Variants in DEPTOR observed in about 807,000 individuals in gnomAD.
DEPTOR encodes the protein DEP domain-containing mTOR-interacting protein.
A neutral mutation model predicts 41.6 loss-of-function variants in DEPTOR; 41 were observed. That is an observed-to-expected ratio of 0.98 (90% CI 0.77 to 1.28). The LOEUF (loss-of-function observed/expected upper bound fraction) is 1.28, where lower values mean the gene tolerates loss of function less well. Among genes scored for constraint, DEPTOR ranks in the 50% most tolerant of loss-of-function variants. The pLI, the probability that DEPTOR is intolerant of heterozygous loss-of-function variation, is 0.00. For synonymous variants in DEPTOR, 195 were observed against 192.3 expected (o/e 1.01, Z -0.12); for missense variants, 514 against 527.9 (o/e 0.97, Z 0.26).
intron 1 of DEPTOR, among the ~76,000 whole-genome samples, chr8:119,915,124 G>A (rs997444684): frequency 3.3e-5 from 5 of 151,860 alleles, no homozygotes; most frequent in African/African-American, 9.7e-5. Context: ...GTGCCACCAC[G>A]CCCAGCTAAT....
chr8:119,934,952 G>A (rs2129871973), intron 3 of DEPTOR, among the ~76,000 whole-genome samples: 1 of 152,306 alleles, frequency 6.6e-6, no homozygotes, highest in Non-Finnish European at 1.5e-5. Flanking sequence ...CATCAGATAT[G>A]AGTGTATGCT....
chr8:119,967,754 A>C lies in DEPTOR; in HGVS notation c.604+2344A>C, dbSNP rs771230315. On this transcript the variant is annotated intron_variant, in intron 4 of 8. Coordinates refer to ENST00000286234, the MANE Select transcript of DEPTOR (RefSeq NM_022783.4). The stretch of plus-strand genomic sequence containing the variant: ...GGGTGGCAGAGCAAGACTTCGTCCC[A>C]AAAAAAAAAAAAAAAAAGAGTAAGT... Among the ~76,000 whole-genome samples the C allele has an allele frequency of 1.7e-3, 169 of 96,830 alleles. 2 individuals are homozygous for C. The South Asian group carries it at 0.029, about 17-fold the overall frequency. 63.5% of individuals were successfully genotyped at this position (96,830 alleles called of 152,430 possible). A position where few individuals can be genotyped will look rare whatever the true frequency, so the allele number is the denominator to read the frequency against.
chr8:119,944,525 T>G (rs972640562), intron 3 of DEPTOR, among the ~76,000 whole-genome samples: 1 of 152,054 alleles, frequency 6.6e-6, no homozygotes, highest in Admixed American at 6.6e-5. Context: ...TCTGTCCAGC[T>G]TGACTATAAG....
chr8:119,957,374 C>T (rs1435039625), intron 3 of DEPTOR, among the ~76,000 whole-genome samples: 2 of 152,074 alleles, frequency 1.3e-5, no homozygotes, highest in Non-Finnish European at 2.9e-5. Flanking sequence ...CCCTAGGCTT[C>T]GAGAGGGACC....
At chr8:119,905,982 A>C (rs939456183) in intron 1 of DEPTOR, among the ~76,000 whole-genome samples, 10 of 152,134 alleles carry the variant, frequency 6.6e-5, no homozygotes, top group African/African-American at 2.4e-4. Flanking sequence ...TTTTACAGAG[A>C]CAGCATCTCG....
At chr8:119,896,593 G>A (rs1433932350) in intron 1 of DEPTOR, among the ~76,000 whole-genome samples, 1 of 152,110 alleles carries the variant, frequency 6.6e-6, no homozygotes, top group Non-Finnish European at 1.5e-5. Flanking sequence ...TCTACCTCCT[G>A]GGTTCAAGTG....
intron 8 of DEPTOR, among the ~76,000 whole-genome samples, chr8:120,039,849 G>GT (rs1342715846): frequency 3.3e-5 from 5 of 151,964 alleles, no homozygotes; most frequent in South Asian, 2.1e-4. Flanking sequence ...TTTTTTATTT[G>GT]TTTTTTGTTT....
intron 3 of DEPTOR, among the ~76,000 whole-genome samples, chr8:119,939,497 T>C (rs548856702): frequency 1.1e-3 from 171 of 152,322 alleles, no homozygotes; most frequent in African/African-American, 3.9e-3. Flanking sequence ...TATGGCTTTT[T>C]TCGTTTTTGA....
At chr8:119,893,930 C>G (rs187315572) in intron 1 of DEPTOR, among the ~76,000 whole-genome samples, 8 of 152,294 alleles carry the variant, frequency 5.3e-5, no homozygotes, top group Non-Finnish European at 7.3e-5. Flanking sequence ...TCGTGAACTT[C>G]TAAATAGACA....
intron 6 of DEPTOR, among the ~76,000 whole-genome samples, chr8:120,005,388 G>A (rs941473416): frequency 2.6e-5 from 4 of 152,210 alleles, no homozygotes; most frequent in Non-Finnish European, 5.9e-5. Context: ...ACCTCAACAA[G>A]AAGCACTGGA....
chr8:119,935,138 T>C (rs1828092258), intron 3 of DEPTOR, among the ~76,000 whole-genome samples: 1 of 152,172 alleles, frequency 6.6e-6, no homozygotes, highest in Non-Finnish European at 1.5e-5. Context: ...GCAAATGGAC[T>C]GAGGGTGCAA....
chr8:120,002,137 GT>G (rs1334143082), intron 5 of DEPTOR, among the ~76,000 whole-genome samples: 1 of 151,958 alleles, frequency 6.6e-6, no homozygotes, highest in Non-Finnish European at 1.5e-5. Flanking sequence ...ATAAATACAA[GT>G]TTTTGTTTGT....
At chr8:120,020,879 C>T (rs1002618934) in intron 8 of DEPTOR, among the ~76,000 whole-genome samples, 30 of 151,628 alleles carry the variant, frequency 2.0e-4, no homozygotes, top group Middle Eastern at 3.2e-3. Flanking sequence ...GCCAATGTGG[C>T]GAAACGCTGT....
At chr8:119,956,780 G>T (rs1828424347) in intron 3 of DEPTOR, among the ~76,000 whole-genome samples, 1 of 144,456 alleles carries the variant, frequency 6.9e-6, no homozygotes, top group African/African-American at 2.6e-5. Context: ...TGTCACCCAG[G>T]CTGAAGTGCA....
At chr8:120,042,877 T>C (rs1024582624) in intron 8 of DEPTOR, among the ~76,000 whole-genome samples, 25 of 151,880 alleles carry the variant, frequency 1.6e-4, no homozygotes, top group African/African-American at 6.0e-4. Context: ...CGAGGCAGAG[T>C]GTCACTCTGT....
intron 4 of DEPTOR, among the ~76,000 whole-genome samples, chr8:119,975,419 C>G (rs1828685229): frequency 1.3e-5 from 2 of 152,112 alleles, no homozygotes; most frequent in African/African-American, 4.8e-5. Context: ...AGGGGTATTG[C>G]AATAGGGGAG....
rs902936579 is a variant in DEPTOR at position 120,050,682 on chromosome 8, T to G, written c.*978T>G. The G allele has an allele frequency of 2.0e-5, 3 of 152,152 alleles. No homozygotes were observed. Among genetic ancestry groups the G allele is most frequent in the Non-Finnish European group, 4.4e-5 (3 of 68,030 alleles). 9.4% of individuals were successfully genotyped at this position (152,152 alleles called of 1,614,324 possible). ...TGCTGCTTATTTGGGGGGATTATTT[T>G]TCACCAAAATGATCATCTTGTGTTG... On this transcript the variant is annotated 3_prime_UTR_variant, in exon 9 of 9. Transcript: ENST00000286234.
chr8:119,962,214 A>G (rs1387429021), intron 3 of DEPTOR, among the ~76,000 whole-genome samples: 1 of 151,922 alleles, frequency 6.6e-6, no homozygotes, highest in Non-Finnish European at 1.5e-5. Context: ...CTGAGATTGC[A>G]CCACTGCACT....
At chr8:119,994,786 G>A (rs762831379) in intron 4 of DEPTOR, among the ~76,000 whole-genome samples, 4 of 151,714 alleles carry the variant, frequency 2.6e-5, no homozygotes, top group Non-Finnish European at 4.4e-5. Context: ...GCATGGTGGT[G>A]CACGCCTGTA....
Sources: gnomAD v4.1 joint callset for allele counts (sites outside exome capture counted in the v4.1 genomes callset) on GRCh38, gnomAD v4.1.1 for gene constraint, MANE v1.5 for transcripts, NCBI Gene and HGNC (gene_info 2026-07-23, HGNC 2026-07-21) for gene names.